The following ERI1 variants were observed in gnomAD, a reference collection of about 807,000 sequenced individuals.
ERI1 encodes the protein exoribonuclease 1.
In ERI1, 39 loss-of-function variants were observed where a neutral mutation model predicts 39.7. The ratio of observed to expected loss-of-function variants is 0.98; its 90% CI spans 0.76 to 1.28. The LOEUF (loss-of-function observed/expected upper bound fraction) is 1.28. ERI1 is among the 50% of genes most tolerant of loss of function. The pLI, the probability that ERI1 is intolerant of heterozygous loss-of-function variation, is 0.00. For synonymous variants in ERI1, 204 were observed against 149.6 expected (o/e 1.36, Z -2.65); for missense variants, 581 against 416.9 (o/e 1.39, Z -3.43).
chr8:9,006,597 A>C (rs1665462460), intron 1 of ERI1, among the ~76,000 whole-genome samples: 1 of 152,200 alleles, frequency 6.6e-6, no homozygotes, highest in African/African-American at 2.4e-5. Context: ...AATTTTTTGT[A>C]AAATTCTGGT....
chr8:9,035,535 C>T (rs533720448), downstream of ERI1, among the ~76,000 whole-genome samples: 6 of 152,238 alleles, frequency 3.9e-5, no homozygotes, highest in Non-Finnish European at 7.4e-5. Flanking sequence ...ATATTTGAAG[C>T]CTGCTGTTGA....
chr8:9,028,116 T>C (rs1797314516), intron 6 of ERI1, among the ~76,000 whole-genome samples: 1 of 152,240 alleles, frequency 6.6e-6, no homozygotes, highest in African/African-American at 2.4e-5. Context: ...TATTTCTTCT[T>C]CAATTTTTTT....
intron 1 of ERI1, among the ~76,000 whole-genome samples, chr8:9,005,134 A>G (rs755314984): frequency 2.6e-5 from 4 of 152,346 alleles, no homozygotes; most frequent in East Asian, 1.9e-4. Context: ...AGATTTCATC[A>G]GAACTCTCCT....
At chr8:9,045,158 C>T (rs907203122) in intron 3 of ERI1, among the ~76,000 whole-genome samples, 3 of 146,234 alleles carry the variant, frequency 2.1e-5, no homozygotes, top group Non-Finnish European at 4.5e-5. Context: ...ATGGCGTGAA[C>T]CAGGGAGGTG....
chr8:9,003,210 G>T, intron 1 of ERI1, 39 bp downstream of exon 1: 1 of 1,199,636 alleles, frequency 8.3e-7, no homozygotes, highest in Non-Finnish European at 1.0e-6. Context: ...GGCGCCAGCT[G>T]CCCCGTCCCC....
chr8:9,038,565 T>G, intron 3 of ERI1, among the ~76,000 whole-genome samples: 1 of 152,086 alleles, frequency 6.6e-6, no homozygotes, highest in East Asian at 1.9e-4. Context: ...TGGACCAGCT[T>G]GGGCAACATG....
chr8:9,022,410 T>G (rs891026895), intron 6 of ERI1, among the ~76,000 whole-genome samples: 4 of 152,188 alleles, frequency 2.6e-5, no homozygotes, highest in African/African-American at 9.7e-5. Flanking sequence ...TTTTGGTTTA[T>G]TTGTCTTTGA....
intron 3 of ERI1, among the ~76,000 whole-genome samples, chr8:9,056,336 G>T (rs970462611): frequency 7.9e-5 from 12 of 152,180 alleles, no homozygotes; most frequent in Admixed American, 5.9e-4. Flanking sequence ...CCCCTTATCT[G>T]TTGGGGTAAG....
intron 6 of ERI1, among the ~76,000 whole-genome samples, chr8:9,021,366 A>G (rs1364656808): frequency 6.6e-6 from 1 of 152,134 alleles, no homozygotes; most frequent in African/African-American, 2.4e-5. Context: ...GGCTTCTTTT[A>G]AAATCATCTT....
chr8:9,035,840 C>T (rs1036060604), downstream of ERI1, among the ~76,000 whole-genome samples: 1 of 152,194 alleles, frequency 6.6e-6, no homozygotes. Flanking sequence ...CCATTCTATT[C>T]TGAATGCCAT....
At chr8:9,021,246 T>C (rs1433259871) in intron 6 of ERI1, among the ~76,000 whole-genome samples, 1 of 152,240 alleles carries the variant, frequency 6.6e-6, no homozygotes, top group African/African-American at 2.4e-5. Flanking sequence ...TTCTTATGAC[T>C]GAGAACACTC....
At chr8:9,048,740 G>A (rs1798258090) in intron 3 of ERI1, among the ~76,000 whole-genome samples, 1 of 152,170 alleles carries the variant, frequency 6.6e-6, no homozygotes, top group Non-Finnish European at 1.5e-5. Flanking sequence ...AATCTCCCTA[G>A]CTCAGGTGAT....
intron 2 of ERI1, among the ~76,000 whole-genome samples, chr8:9,010,242 C>T: frequency 6.6e-6 from 1 of 152,146 alleles, no homozygotes; most frequent in East Asian, 1.9e-4. Context: ...GTTTGTCCTG[C>T]CATTAGCTTT....
At chr8:9,081,967 A>G (rs980741241) in intron 3 of ERI1, among the ~76,000 whole-genome samples, 18 of 152,342 alleles carry the variant, frequency 1.2e-4, no homozygotes, top group Admixed American at 5.2e-4. Flanking sequence ...TTCTCTCTGT[A>G]TGAAGAATTC....
At chr8:9,084,072 C>T (rs1444589411) in intron 3 of ERI1, among the ~76,000 whole-genome samples, 7 of 152,258 alleles carry the variant, frequency 4.6e-5, no homozygotes, top group Middle Eastern at 3.4e-3. Context: ...GGATTACAGG[C>T]GTGAGCCGCC....
chr8:9,063,712 G>T (rs1044276999), intron 3 of ERI1, among the ~76,000 whole-genome samples: 2 of 152,132 alleles, frequency 1.3e-5, no homozygotes, highest in African/African-American at 4.8e-5. Context: ...CAGACCATTT[G>T]CCCATTTTAC....
chr8:9,073,824 C>A (rs926352484), intron 3 of ERI1, among the ~76,000 whole-genome samples: 1 of 152,124 alleles, frequency 6.6e-6, no homozygotes, highest in African/African-American at 2.4e-5. Context: ...ATCCAGTACA[C>A]CTTCTGTTTA....
At chr8:9,029,674 G>A in intron 6 of ERI1, 118 bp from the exon 7 acceptor site, 2 of 1,254,568 alleles carry the variant, frequency 1.6e-6, no homozygotes, top group Non-Finnish European at 2.2e-6. Context: ...ATTGCCCTTT[G>A]CCTAGCTTTA....
In ERI1 at chr8:9,032,246, A is replaced by G. The variant is rs1018806329; in HGVS notation, c.*2212A>G. 2 of 152,180 alleles carry G rather than the reference A, an allele frequency of 1.3e-5. No homozygotes were observed. Among genetic ancestry groups the G allele is most frequent in the African/African-American group, 2.4e-5 (1 of 41,444 alleles). The allele number at this position is 152,180 out of a possible 1,614,324, so 9.4% of individuals were successfully genotyped here. A position where few individuals can be genotyped will look rare whatever the true frequency, so the allele number is the denominator to read the frequency against. ...ACGTAAGAGATGGATGTCCATGAAA[A>G]CAATATTAGTATATTCTATTATTGT... is the stretch of plus-strand genomic sequence containing the variant. On this transcript the variant is annotated 3_prime_UTR_variant, in exon 7 of 7. Coordinates refer to ENST00000250263, the MANE Select transcript of ERI1 (RefSeq NM_153332.4).
Sources: allele counts gnomAD v4.1 joint callset (sites outside exome capture counted in the v4.1 genomes callset), GRCh38; gene constraint gnomAD v4.1.1; transcripts MANE v1.5; gene names NCBI Gene and HGNC (gene_info 2026-07-23, HGNC 2026-07-21).